The following NT5DC3 variants were observed in gnomAD, a reference collection of about 807,000 sequenced individuals.
The protein encoded by NT5DC3 is 5'-nucleotidase domain containing 3.
In NT5DC3, 42 loss-of-function variants were observed where a neutral mutation model predicts 67.8. That is an observed-to-expected ratio of 0.62 (90% CI 0.48 to 0.80). NT5DC3 has a LOEUF of 0.80. Ranked by LOEUF, NT5DC3 falls within the 30% of genes least tolerant of loss-of-function variation. NT5DC3 has a pLI of 0.00. For missense variants in NT5DC3, 570 were observed against 696.4 expected (o/e 0.82, Z 2.04); for synonymous variants, 237 against 255.6 (o/e 0.93, Z 0.69).
rs1303800672 is a variant in NT5DC3, at chr12:103,806,867, A to G, written c.456T>C (p.Tyr152=). Residue 152 remains tyrosine (Y), a synonymous_variant, in exon 3 of 14, where the codon TAT becomes TAC. Coordinates refer to ENST00000392876, the MANE Select transcript of NT5DC3 (RefSeq NM_001031701.3). ...GAAGTAAACCTACCCGCTGTACATC[A>G]TAATGAAGTCCACGAATTGCAAAAT... ...DPNFAIRGLH[Y]DVQRAVLMKI... The G allele has an allele frequency of 5.0e-6, 8 of 1,598,582 alleles. No individual in the cohort carries two copies. The highest frequency in any genetic ancestry group is 2.7e-5 in the African/African-American group (2 of 74,776).
chr12:103,780,678 CATGT>C (rs1045019167), intron 12 of NT5DC3, among the ~76,000 whole-genome samples: 1 of 152,180 alleles, frequency 6.6e-6, no homozygotes, highest in Non-Finnish European at 1.5e-5. Context: ...ATGTATAACA[CATGT>C]ATGTGATATA....
the NT5DC3 span, chr12:103,759,221 C>A: frequency 6.2e-7 from 1 of 1,614,050 alleles, no homozygotes; most frequent in Admixed American, 1.7e-5. Context: ...ACCCTGCAAA[C>A]GAGGCTGGGA....
At chr12:103,806,714 T>C (rs1313709873) in intron 3 of NT5DC3, 141 bp downstream of exon 3, 2 of 616,186 alleles carry the variant, frequency 3.2e-6, no homozygotes, top group Non-Finnish European at 5.8e-6. Context: ...TCTATCCAAA[T>C]ATATGTGAAT....
the NT5DC3 span, chr12:103,749,225 C>T: frequency 1.4e-6 from 2 of 1,454,994 alleles, no homozygotes; most frequent in South Asian, 2.7e-5. Context: ...GCCTTTCCAC[C>T]TCCCATACTC....
intron 2 of NT5DC3, 42 bp downstream of exon 2, chr12:103,814,895 G>A (rs201323536): frequency 3.4e-4 from 515 of 1,506,024 alleles, no homozygotes; most frequent in Non-Finnish European, 4.6e-4. Context: ...GTTCTAAGAG[G>A]AAAAGGGGAG....
the NT5DC3 span, among the ~76,000 whole-genome samples, chr12:103,756,976 A>G: frequency 8.0e-6 from 1 of 124,330 alleles, no homozygotes; most frequent in Non-Finnish European, 1.7e-5. Flanking sequence ...TCTGGGCCTC[A>G]GTAGCCCAGA....
Position 103,774,469 on chromosome 12 carries a change from G to A in NT5DC3, c.*3360C>T, listed in dbSNP as rs1050046166. The A allele has an allele frequency of 1.3e-5, 2 of 152,106 alleles. No homozygotes were observed. The highest frequency in any genetic ancestry group is 3.9e-4 in the East Asian group (2 of 5,194). 9.4% of individuals were successfully genotyped at this position (152,106 alleles called of 1,614,324 possible). A position where few individuals can be genotyped will look rare whatever the true frequency, so the allele number is the denominator to read the frequency against. Reference sequence around the variant, plus strand: ...GGCCAAGGCAGGTGGATTACCCAAGGTCAGGAGTTCGAGACCAGCCTGGCC... The same window carrying A: ...GGCCAAGGCAGGTGGATTACCCAAGATCAGGAGTTCGAGACCAGCCTGGCC... On this transcript the variant is annotated 3_prime_UTR_variant, in exon 14 of 14. Coordinates refer to ENST00000392876, the MANE Select transcript of NT5DC3 (RefSeq NM_001031701.3).
rs575127975 is a variant in NT5DC3 at position 103,777,681 on chromosome 12, T to G, written c.*148A>C. The G allele has an allele frequency of 2.7e-4, 251 of 938,606 alleles. No homozygotes were observed. Among genetic ancestry groups the G allele is most frequent in the Non-Finnish European group, 3.8e-4 (243 of 631,992 alleles). The allele number at this position is 938,606 out of a possible 1,614,324, so 58.1% of individuals were successfully genotyped here. A position where few individuals can be genotyped will look rare whatever the true frequency, so the allele number is the denominator to read the frequency against. Reference sequence around the variant, plus strand: ...GGCTGCTAGCTCCTGTCTTAACCATTGGGAGAATTATTCTCCGTAAGGTAC... The same window carrying G: ...GGCTGCTAGCTCCTGTCTTAACCATGGGGAGAATTATTCTCCGTAAGGTAC... On this transcript the variant is annotated 3_prime_UTR_variant, in exon 14 of 14. Coordinates refer to ENST00000392876, the MANE Select transcript of NT5DC3 (RefSeq NM_001031701.3).
chr12:103,780,445 T>A, intron 12 of NT5DC3, 81 bp from the exon 13 acceptor site: 1 of 1,301,510 alleles, frequency 7.7e-7, no homozygotes, highest in East Asian at 2.3e-5. Flanking sequence ...TAATGAGCAG[T>A]TTTTCTAGGA....
intron 2 of NT5DC3, among the ~76,000 whole-genome samples, chr12:103,812,004 G>C (rs146020767): frequency 6.6e-6 from 1 of 152,180 alleles, no homozygotes; most frequent in Non-Finnish European, 1.5e-5. Flanking sequence ...AAGGTGTGAA[G>C]CTGGGAGATG....
chr12:103,782,588 G>A (rs181592141), intron 12 of NT5DC3, among the ~76,000 whole-genome samples: 24 of 152,318 alleles, frequency 1.6e-4, no homozygotes, highest in African/African-American at 4.6e-4. Flanking sequence ...GAAGCTTGCT[G>A]ACCTGTGGTC....
In NT5DC3 at chr12:103,775,723, A is replaced by AGAAAG. The variant is rs1310872532; in HGVS notation, c.*2105_*2106insCTTTC. 1 of 151,960 alleles carries AGAAAG rather than the reference A, an allele frequency of 6.6e-6. No homozygotes were observed. Among genetic ancestry groups the AGAAAG allele is most frequent in the East Asian group, 1.9e-4 (1 of 5,180 alleles). The allele number at this position is 151,960 out of a possible 1,614,324, so 9.4% of individuals were successfully genotyped here. ...TACTGTGTTCATAACAAAATGTAGA[A>AGAAAG]GATGGGGAGAAGCCTTATTGGATCT... On this transcript the variant is annotated 3_prime_UTR_variant, in exon 14 of 14. Transcript: ENST00000392876.
At chr12:103,827,085 A>T (rs992578297) in intron 1 of NT5DC3, among the ~76,000 whole-genome samples, 9 of 152,122 alleles carry the variant, frequency 5.9e-5, no homozygotes, top group African/African-American at 1.9e-4. Context: ...CTCTACTATA[A>T]ATACAAAAAA....
At chr12:103,767,322 A>C (rs1566091233), downstream of NT5DC3, among the ~76,000 whole-genome samples, 1 of 152,336 alleles carries the variant, frequency 6.6e-6, no homozygotes, top group East Asian at 1.9e-4. Context: ...AAAGGACCAC[A>C]TATCATATGA....
At chr12:103,770,758 G>A (rs1850337856), downstream of NT5DC3, 1 of 152,228 alleles carries the variant, frequency 6.6e-6, no homozygotes, top group Admixed American at 6.5e-5. Flanking sequence ...TAAAGGTTAA[G>A]TGCTATGGTC....
intron 4 of NT5DC3, among the ~76,000 whole-genome samples, chr12:103,803,868 C>CCT (rs776866822): frequency 6.8e-6 from 1 of 148,030 alleles, no homozygotes; most frequent in African/African-American, 2.5e-5. Context: ...CACCCCCCCC[C>CCT]CAAAAAAATG....
chr12:103,768,350 G>A (rs371521576), downstream of NT5DC3, among the ~76,000 whole-genome samples: 9 of 149,564 alleles, frequency 6.0e-5, no homozygotes, highest in East Asian at 1.2e-3. Context: ...CAGGAGAATC[G>A]CTTGAACCTG....
At chr12:103,830,397 T>G (rs1396124408) in intron 1 of NT5DC3, among the ~76,000 whole-genome samples, 1 of 152,256 alleles carries the variant, frequency 6.6e-6, no homozygotes, top group Non-Finnish European at 1.5e-5. Flanking sequence ...CTTTGCATTC[T>G]AAATCTGAGG....
chr12:103,769,385 C>T (rs1489992643), downstream of NT5DC3, among the ~76,000 whole-genome samples: 2 of 152,230 alleles, frequency 1.3e-5, no homozygotes, highest in Non-Finnish European at 2.9e-5. Context: ...ATTACTTCCC[C>T]TTCCCACCTC....
Sources: gnomAD v4.1 joint callset for allele counts (sites outside exome capture counted in the v4.1 genomes callset) on GRCh38, gnomAD v4.1.1 for gene constraint, MANE v1.5 for transcripts, NCBI Gene and HGNC (gene_info 2026-07-23, HGNC 2026-07-21) for gene names.